Variants in PTPRM observed in about 807,000 individuals in gnomAD.
PTPRM encodes receptor-type tyrosine-protein phosphatase mu.
A neutral mutation model predicts 186.7 loss-of-function variants in PTPRM; 47 were observed. That is an observed-to-expected ratio of 0.25 (90% CI 0.20 to 0.32). The LOEUF is 0.32. Ranked by LOEUF, PTPRM falls within the 10% of genes least tolerant of loss-of-function variation. The pLI is 1.00. For synonymous variants in PTPRM, 668 were observed against 674.9 expected (o/e 0.99, Z 0.16); for missense variants, 1,494 against 1,865.0 (o/e 0.80, Z 3.66).
At chr18:8,373,826 A>T (rs993331422) in intron 24 of PTPRM, among the ~76,000 whole-genome samples, 2 of 151,894 alleles carry the variant, frequency 1.3e-5, no homozygotes, top group African/African-American at 2.4e-5. Flanking sequence ...TCAAGACTGC[A>T]GTGACCCATG....
At chr18:7,816,312 A>T (rs1264340708) in intron 2 of PTPRM, among the ~76,000 whole-genome samples, 1 of 152,194 alleles carries the variant, frequency 6.6e-6, no homozygotes, top group Non-Finnish European at 1.5e-5. Flanking sequence ...AGATCTTCCA[A>T]TTAGTTTCTT....
intron 4 of PTPRM, among the ~76,000 whole-genome samples, chr18:7,920,875 A>G (rs1673707744): frequency 6.6e-6 from 1 of 152,116 alleles, no homozygotes; most frequent in Non-Finnish European, 1.5e-5. Context: ...TGGCTGCAGT[A>G]TTCTTGGATG....
At chr18:7,753,924 TC>T (rs2041346020) in intron 1 of PTPRM, among the ~76,000 whole-genome samples, 1 of 152,100 alleles carries the variant, frequency 6.6e-6, no homozygotes. Flanking sequence ...ACTCACCTTT[TC>T]CCCCCTTCTC....
intron 14 of PTPRM, among the ~76,000 whole-genome samples, chr18:8,190,009 A>C (rs1344066266): frequency 6.6e-6 from 1 of 152,184 alleles, no homozygotes; most frequent in Non-Finnish European, 1.5e-5. Context: ...GTACTTTTTA[A>C]ATTGTTTAAA....
At chr18:7,624,029 C>A (rs995064634) in intron 1 of PTPRM, among the ~76,000 whole-genome samples, 3 of 152,136 alleles carry the variant, frequency 2.0e-5, no homozygotes, top group Non-Finnish European at 2.9e-5. Flanking sequence ...CTGGCCAGTA[C>A]TGGTGGATCT....
At chr18:7,931,867 A>T (rs1017105932) in intron 5 of PTPRM, among the ~76,000 whole-genome samples, 5 of 152,192 alleles carry the variant, frequency 3.3e-5, no homozygotes, top group Admixed American at 2.0e-4. Context: ...TTCTATTTAT[A>T]ATACTTTCCA....
At chr18:7,751,375 T>C (rs900255686) in intron 1 of PTPRM, 1 of 152,164 alleles carries the variant, frequency 6.6e-6, no homozygotes, top group Admixed American at 6.5e-5. Context: ...TCCACCCACA[T>C]ATTTAACTTG....
intron 1 of PTPRM, among the ~76,000 whole-genome samples, chr18:7,620,485 A>T (rs539645538): frequency 6.6e-6 from 1 of 152,246 alleles, no homozygotes; most frequent in Admixed American, 6.5e-5. Context: ...AAGTGCTTGT[A>T]ATTGCCAAGT....
chr18:7,794,313 T>G (rs1019668823), intron 2 of PTPRM, among the ~76,000 whole-genome samples: 22 of 152,264 alleles, frequency 1.4e-4, no homozygotes, highest in Admixed American at 1.3e-3. Flanking sequence ...GCTGTAAACA[T>G]TCACCCCTAG....
At chr18:7,699,727 G>GT (rs57074624) in intron 1 of PTPRM, among the ~76,000 whole-genome samples, 8,860 of 148,950 alleles carry the variant, frequency 0.059, 343 homozygotes, top group Middle Eastern at 0.11. Flanking sequence ...TAACTTACAA[G>GT]TTTTTTTTTT....
chr18:7,895,161 G>A (rs1038622503), intron 3 of PTPRM, among the ~76,000 whole-genome samples: 5 of 152,032 alleles, frequency 3.3e-5, no homozygotes, highest in African/African-American at 9.7e-5. Context: ...TAAACTTTAT[G>A]AGCCTCACTT....
intron 1 of PTPRM, among the ~76,000 whole-genome samples, chr18:7,636,693 A>G (rs933550141): frequency 2.0e-5 from 3 of 152,194 alleles, no homozygotes; most frequent in Non-Finnish European, 4.4e-5. Flanking sequence ...TAGTCTGTAC[A>G]GTCTGCAGGA....
chr18:7,992,477 A>G (rs1205079885), intron 7 of PTPRM, among the ~76,000 whole-genome samples: 1 of 152,152 alleles, frequency 6.6e-6, no homozygotes, highest in East Asian at 1.9e-4. Context: ...ACATTTGCTG[A>G]TACCTCTAAA....
chr18:8,031,485 C>T (rs1343814303), intron 7 of PTPRM, among the ~76,000 whole-genome samples: 1 of 152,068 alleles, frequency 6.6e-6, no homozygotes, highest in Non-Finnish European at 1.5e-5. Context: ...ATAAAAATGC[C>T]AGAAACAAAG....
chr18:7,753,328 A>G (rs1031473066), intron 1 of PTPRM, among the ~76,000 whole-genome samples: 1 of 152,104 alleles, frequency 6.6e-6, no homozygotes, highest in Non-Finnish European at 1.5e-5. Flanking sequence ...GTATATCTAT[A>G]CATATATATG....
chr18:7,713,126 T>C (rs1184381540), intron 1 of PTPRM, among the ~76,000 whole-genome samples: 2 of 152,092 alleles, frequency 1.3e-5, no homozygotes, highest in Non-Finnish European at 2.9e-5. Flanking sequence ...GAGAGAAAGG[T>C]TGCATTACCC....
chr18:8,134,682 C>T (rs758788345), intron 13 of PTPRM, among the ~76,000 whole-genome samples: 24 of 152,102 alleles, frequency 1.6e-4, no homozygotes, highest in South Asian at 1.0e-3. Context: ...GTTTTTCTTT[C>T]GGAATTATTA....
chr18:8,149,756 A>T (rs2092962732), intron 14 of PTPRM, among the ~76,000 whole-genome samples: 1 of 152,082 alleles, frequency 6.6e-6, no homozygotes, highest in Non-Finnish European at 1.5e-5. Context: ...TGGTCTTTAC[A>T]ATTTGGTATG....
intron 2 of PTPRM, among the ~76,000 whole-genome samples, chr18:7,867,690 C>G (rs1252624287): frequency 6.6e-6 from 1 of 152,124 alleles, no homozygotes; most frequent in African/African-American, 2.4e-5. Flanking sequence ...GGTTGCTCTT[C>G]CCGAGGACTA....
Sources: allele counts gnomAD v4.1 joint callset (sites outside exome capture counted in the v4.1 genomes callset), GRCh38; gene constraint gnomAD v4.1.1; transcripts MANE v1.5; gene names NCBI Gene and HGNC (gene_info 2026-07-23, HGNC 2026-07-21).